ANO3: variants seen among roughly 807,000 people sequenced by gnomAD.
ANO3 encodes the protein anoctamin-3.
Under a neutral mutation model 144.8 loss-of-function variants are expected in ANO3, and 99 were observed. The ratio of observed to expected loss-of-function variants is 0.68; its 90% confidence interval spans 0.58 to 0.81. The LOEUF (loss-of-function observed/expected upper bound fraction) is 0.81. ANO3 is among the 30% of genes least tolerant of loss of function. The pLI, the probability that ANO3 is intolerant of heterozygous loss-of-function variation, is 0.00. For missense variants in ANO3, 905 were observed against 1,202.2 expected (o/e 0.75, Z 3.66); for synonymous variants, 414 against 392.6 (o/e 1.05, Z -0.64).
intron 11 of ANO3, 24 bp from the exon 12 acceptor site, chr11:26,547,392 C>A: frequency 6.2e-7 from 1 of 1,608,042 alleles, no homozygotes; most frequent in South Asian, 1.1e-5. Context: ...TTAACTCAGT[C>A]TAAGGATTTG....
chr11:26,623,408 A>C (rs1315338038), intron 17 of ANO3, among the ~76,000 whole-genome samples: 1 of 152,254 alleles, frequency 6.6e-6, no homozygotes, highest in Admixed American at 6.5e-5. Context: ...GCACATACAT[A>C]TACCCACAAG....
intron 1 of ANO3, among the ~76,000 whole-genome samples, chr11:26,249,485 C>T (rs12223862): frequency 0.018 from 2,800 of 152,048 alleles, 70 homozygotes; most frequent in East Asian, 0.13. Flanking sequence ...TGTGGTGTTC[C>T]GGTATCTAAT....
chr11:26,599,741 G>A, intron 17 of ANO3, 27 bp downstream of exon 17: 2 of 1,591,278 alleles, frequency 1.3e-6, no homozygotes, highest in Non-Finnish European at 8.6e-7. Context: ...TTATTCTTCA[G>A]TAGACAAAAA....
At chr11:26,303,056 G>T (rs574129636) in intron 1 of ANO3, among the ~76,000 whole-genome samples, 4 of 152,150 alleles carry the variant, frequency 2.6e-5, no homozygotes, top group Non-Finnish European at 5.9e-5. Context: ...ATGCTAGTGA[G>T]GCTTCAGATA....
intron 14 of ANO3, among the ~76,000 whole-genome samples, chr11:26,585,466 T>G (rs374425742): frequency 2.4e-4 from 37 of 152,238 alleles, no homozygotes; most frequent in African/African-American, 8.7e-4. Context: ...ATACACTCCC[T>G]CCCCTCCTCA....
At chr11:26,366,555 A>ACT (rs748240220) in intron 1 of ANO3, among the ~76,000 whole-genome samples, 5 of 152,130 alleles carry the variant, frequency 3.3e-5, no homozygotes, top group South Asian at 4.1e-4. Context: ...GAATCGCCAC[A>ACT]GTCTTCCACA....
At chr11:26,452,344 C>A (rs1452814493) in intron 3 of ANO3, among the ~76,000 whole-genome samples, 1 of 151,966 alleles carries the variant, frequency 6.6e-6, no homozygotes, top group East Asian at 1.9e-4. Flanking sequence ...AACATTTAGA[C>A]GAATGTATAA....
intron 1 of ANO3, among the ~76,000 whole-genome samples, chr11:26,210,263 T>C (rs1053111846): frequency 6.6e-6 from 1 of 152,214 alleles, no homozygotes; most frequent in Non-Finnish European, 1.5e-5. Context: ...TTGCTTGGTT[T>C]TGTCAGGTTT....
chr11:26,556,788 A>G (rs1162719561), intron 13 of ANO3, among the ~76,000 whole-genome samples: 1 of 152,170 alleles, frequency 6.6e-6, no homozygotes, highest in East Asian at 1.9e-4. Flanking sequence ...TTCAGCTTCA[A>G]TTCTGACTCC....
At chr11:26,227,401 G>C (rs113104587) in intron 1 of ANO3, among the ~76,000 whole-genome samples, 32 of 152,206 alleles carry the variant, frequency 2.1e-4, no homozygotes, top group African/African-American at 7.2e-4. Flanking sequence ...TGAAAGTAAC[G>C]GCTTGATTGT....
intron 11 of ANO3, among the ~76,000 whole-genome samples, chr11:26,543,418 G>A (rs1849694989): frequency 6.6e-6 from 1 of 151,666 alleles, no homozygotes; most frequent in South Asian, 2.1e-4. Flanking sequence ...TGTGGATCTG[G>A]AGACACAGAG....
chr11:26,647,056 T>C (rs555085629), intron 23 of ANO3, among the ~76,000 whole-genome samples: 1 of 152,262 alleles, frequency 6.6e-6, no homozygotes, highest in South Asian at 2.1e-4. Context: ...TCCAGGATAT[T>C]TTTTTCTCAT....
At chr11:26,204,973 C>T (rs73439613) in intron 1 of ANO3, among the ~76,000 whole-genome samples, 3,508 of 152,154 alleles carry the variant, frequency 0.023, 160 homozygotes, top group African/African-American at 0.081. Context: ...TTTTGCATGG[C>T]TGGAAAGGCC....
intron 12 of ANO3, 66 bp downstream of exon 12, chr11:26,547,616 T>C (rs1209767049): frequency 2.9e-6 from 4 of 1,375,240 alleles, no homozygotes; most frequent in East Asian, 4.6e-5. Flanking sequence ...AGTTTAATGA[T>C]AATGCTGACT....
At chr11:26,203,438 C>G (rs952061121) in intron 1 of ANO3, among the ~76,000 whole-genome samples, 1 of 151,876 alleles carries the variant, frequency 6.6e-6, no homozygotes. Context: ...GGCACAGGAG[C>G]CTTTATAAAG....
intron 1 of ANO3, among the ~76,000 whole-genome samples, chr11:26,391,896 T>A (rs964139748): frequency 6.6e-6 from 1 of 152,122 alleles, no homozygotes; most frequent in African/African-American, 2.4e-5. Flanking sequence ...TTTTATTCCA[T>A]CGTTAAAGCT....
intron 20 of ANO3, among the ~76,000 whole-genome samples, chr11:26,638,131 A>T (rs1340247531): frequency 1.3e-5 from 2 of 152,154 alleles, no homozygotes; most frequent in Admixed American, 6.6e-5. Context: ...ATAGGTAGAT[A>T]CTTCCTTTCC....
At chr11:26,565,550 T>A (rs1224057444) in intron 14 of ANO3, 1 of 1,613,368 alleles carries the variant, frequency 6.2e-7, no homozygotes, top group Non-Finnish European at 8.5e-7. Flanking sequence ...AAATGGTAGA[T>A]GTGGGTTTTA....
chr11:26,607,607 G>C lies in ANO3; in HGVS notation c.1836+7893G>C, dbSNP rs572072280. 2.0e-5 allele frequency among the ~76,000 whole-genome samples: 3 copies of C among 152,280 alleles called. No homozygotes were observed. In the East Asian group the frequency reaches 5.8e-4, roughly 29 times the overall value. ...CATCCTTTCTAATATTGCCAGTGGG[G>C]TGTTAAGGCCTCCTACTATTATTGT... On this transcript the variant is annotated intron_variant, in intron 17 of 26. Transcript: ENST00000256737.
Sources: gnomAD v4.1 joint callset for allele counts (sites outside exome capture counted in the v4.1 genomes callset) on GRCh38, gnomAD v4.1.1 for gene constraint, MANE v1.5 for transcripts, NCBI Gene and HGNC (gene_info 2026-07-23, HGNC 2026-07-21) for gene names.